FCMR: variants seen among roughly 807,000 people sequenced by gnomAD.
FCMR encodes Fc mu receptor.
A neutral mutation model predicts 41.6 loss-of-function variants in FCMR; 34 were observed. That is an observed-to-expected ratio of 0.82 (90% CI 0.62 to 1.09). The LOEUF (loss-of-function observed/expected upper bound fraction) is 1.09, where lower values mean the gene tolerates loss of function less well. FCMR is among the 50% of genes least tolerant of loss of function. The pLI is 0.00. For missense variants in FCMR, 496 were observed against 512.5 expected, an observed-to-expected ratio of 0.97 and a Z score of 0.31; for synonymous variants, 209 against 211.8, an observed-to-expected ratio of 0.99 and a Z score of 0.12.
intron 1 of FCMR, among the ~76,000 whole-genome samples, chr1:206,916,166 T>C (rs1679182620): frequency 6.6e-6 from 1 of 152,118 alleles, no homozygotes; most frequent in Admixed American, 6.5e-5. Flanking sequence ...CACTGGAAAT[T>C]GAGTCATGAG....
chr1:206,909,762 G>A lies in FCMR; in HGVS notation c.948C>T (p.Ser316=), dbSNP rs1678838817. The change falls in exon 6 of 8, where the codon AGC becomes AGT. Residue 316 remains serine, a synonymous_variant. Transcript: ENST00000367091. This position sits in a 1 kb window ranked among gnomAD's most constrained non-coding sequence, Gnocchi z 5.0. ...CTCCACGAGCGCGCCGCGGGCAGGC[G>A]CTGTAGATGTTGTTTTGGGAGCGCG... is the stretch of plus-strand genomic sequence containing the variant. ...PRPRSQNNIY[S]ACPRRARGAD... 2 of 1,464,214 alleles carry A rather than the reference G, an allele frequency of 1.4e-6. No individual in the cohort carries two copies. The highest frequency in any genetic ancestry group is 9.0e-7 in the Non-Finnish European group (1 of 1,117,276). 90.7% of individuals were successfully genotyped at this position (1,464,214 alleles called of 1,614,324 possible). A position where few individuals can be genotyped will look rare whatever the true frequency, so the allele number is the denominator to read the frequency against.
At position 206,903,737 on chromosome 1, in the gene FCMR, T is replaced by A. The variant is rs1202971303; in HGVS notation, c.*1282A>T. 6.6e-6 allele frequency: 1 copy of A among 152,326 alleles called. No homozygotes were observed. Among genetic ancestry groups the A allele is most frequent in the Non-Finnish European group, 1.5e-5 (1 of 68,062 alleles). 9.4% of individuals were successfully genotyped at this position (152,326 alleles called of 1,614,324 possible). A position where few individuals can be genotyped will look rare whatever the true frequency, so the allele number is the denominator to read the frequency against. On this transcript the variant is annotated 3_prime_UTR_variant, in exon 8 of 8. Coordinates refer to ENST00000367091, the MANE Select transcript of FCMR (RefSeq NM_005449.5). ...TCCCTTGGTGCCCTCCTTTTTTTTT[T>A]ATCCTAGTCATTCTTCCCTAATCTT... is the stretch of plus-strand genomic sequence containing the variant.
chr1:206,913,507 C>T lies in FCMR; in HGVS notation c.373+252G>A. ...TCCTCAATCTCAAGCCTCTACTCCC[C>T]TCATGCCCTGGGTAGGATGAACAAT... On this transcript the variant is annotated intron_variant, in intron 2 of 7. Coordinates refer to ENST00000367091, the MANE Select transcript of FCMR (RefSeq NM_005449.5). 5.4e-6 allele frequency: 3 copies of T among 552,818 alleles called. No homozygotes were observed. The South Asian group carries it at 7.5e-5, about 14-fold the overall frequency. The allele number at this position is 552,818 out of a possible 1,614,324, so 34.2% of individuals were successfully genotyped here.
chr1:206,911,897 G>T lies in FCMR; in HGVS notation c.543C>A (p.Thr181=). 7 of 1,605,422 alleles carry T rather than the reference G, an allele frequency of 4.4e-6. No individual in the cohort carries two copies. The highest frequency in any genetic ancestry group is 5.9e-6 in the Non-Finnish European group (7 of 1,177,402). Residue 181 remains threonine (T), a synonymous_variant, in exon 4 of 8, where the codon ACC becomes ACA. Transcript: ENST00000367091. ...CTCGAGGGCGGTGGGTGATTTGGGT[G>T]GTGGGGGAGGAGTGGTGAACTGGAG... is the stretch of plus-strand genomic sequence containing the variant. ...KVPPVHHSSP[T]TQITHRPRVS...
rs368503889 is a variant in FCMR at position 206,911,738 on chromosome 1, G to A, written c.702C>T (p.His234=). 3.8e-5 allele frequency: 61 copies of A among 1,610,882 alleles called. No individual in the cohort carries two copies. The highest frequency in any genetic ancestry group is 4.8e-5 in the Non-Finnish European group (57 of 1,179,302). ...GGACAGTGGTCTCTTACCTCTGCCT[G>A]TGCAGCCTGGTGTGGTGGTTGTAGC... is the stretch of plus-strand genomic sequence containing the variant. The part of the protein sequence containing the change: ...TPSYNHHTRL[H]RQRALDYGSQ... The change falls in exon 4 of 8, where the codon CAC becomes CAT. Residue 234 remains histidine, a synonymous_variant. Transcript: ENST00000367091.
At chr1:206,918,915 TA>T (rs898408191) in intron 1 of FCMR, among the ~76,000 whole-genome samples, 1 of 152,046 alleles carries the variant, frequency 6.6e-6, no homozygotes, top group Non-Finnish European at 1.5e-5. Flanking sequence ...GAGTACAAAT[TA>T]AAGCCCAAAT....
Position 206,909,778 on chromosome 1 carries a change from T to C in FCMR, c.932A>G (p.Gln311Arg), listed in dbSNP as rs773235214. The C allele has an allele frequency of 1.4e-6, 2 of 1,459,716 alleles. No homozygotes were observed. Among genetic ancestry groups the C allele is most frequent in the Admixed American group, 5.6e-5 (2 of 36,006 alleles). 90.4% of individuals were successfully genotyped at this position (1,459,716 alleles called of 1,614,324 possible). A position where few individuals can be genotyped will look rare whatever the true frequency, so the allele number is the denominator to read the frequency against. ...RPRGSPRPRS[Q>R]NNIYSACPRR... ...CGGGCAGGCGCTGTAGATGTTGTTT[T>C]GGGAGCGCGGTCGCGGCGACCCGCG... The change falls in exon 6 of 8, where the codon CAA (glutamine) becomes CGA (arginine). Residue 311 changes from glutamine to arginine, a missense_variant. Coordinates refer to ENST00000367091, the MANE Select transcript of FCMR (RefSeq NM_005449.5). This position sits in a 1 kb window ranked among gnomAD's most constrained non-coding sequence, Gnocchi z 5.0.
intron 1 of FCMR, among the ~76,000 whole-genome samples, chr1:206,918,382 A>G (rs1455713766): frequency 1.3e-5 from 2 of 152,008 alleles, no homozygotes; most frequent in African/African-American, 4.8e-5. Context: ...TCACTCGCTC[A>G]TTGACTCCCA....
rs1242989473 is a variant in FCMR at position 206,913,727 on chromosome 1, A to C, written c.373+32T>G. On this transcript the variant is annotated intron_variant, in intron 2 of 7. Coordinates refer to ENST00000367091, the MANE Select transcript of FCMR (RefSeq NM_005449.5). Reference sequence around the variant, plus strand: ...TTCCCAAGTGAAACATTTTCTGGGTAGTCTGAGCCTCCAATCAGCGGAGGA... The same window carrying C: ...TTCCCAAGTGAAACATTTTCTGGGTCGTCTGAGCCTCCAATCAGCGGAGGA... 3 of 1,549,618 alleles carry C rather than the reference A, an allele frequency of 1.9e-6. No homozygotes were observed. The East Asian group carries it at 6.7e-5, about 35-fold the overall frequency.
intron 7 of FCMR, 93 bp from the exon 8 acceptor site, chr1:206,905,240 C>A (rs1170952465): frequency 1.4e-6 from 2 of 1,430,530 alleles, no homozygotes; most frequent in Non-Finnish European, 1.9e-6. Context: ...GGGGCATGGA[C>A]ATGGCTGCTG....
At chr1:206,912,701 G>A (rs1448161424) in intron 3 of FCMR, among the ~76,000 whole-genome samples, 3 of 152,230 alleles carry the variant, frequency 2.0e-5, no homozygotes, top group African/African-American at 7.2e-5. Flanking sequence ...GTGGTAATAT[G>A]TAAGTTCTGC....
chr1:206,913,087 C>A, intron 2 of FCMR, 45 bp from the exon 3 acceptor site: 1 of 1,460,336 alleles, frequency 6.8e-7, no homozygotes, highest in Non-Finnish European at 9.6e-7. Context: ...TAGGGGGAGA[C>A]TGAGGCTTGG....
chr1:206,909,826 G>T lies in FCMR; in HGVS notation c.884C>A (p.Ala295Asp). ...RARRLAVRMR[A>D]LESSQRPRGS... ...GCGGGGCCTCTGGGAGCTCTCCAGG[G>T]CGCGCATCCTCACGGCCAGTCGGCG... Residue 295 changes from alanine to aspartate, a missense_variant, in exon 6 of 8, where the codon GCC becomes GAC. Transcript: ENST00000367091. The surrounding 1 kb of genome is among the most constrained non-coding windows in gnomAD (Gnocchi z 5.0). 2 of 1,406,122 alleles carry T rather than the reference G, an allele frequency of 1.4e-6. No homozygotes were observed. The allele number at this position is 1,406,122 out of a possible 1,614,324, so 87.1% of individuals were successfully genotyped here. A position where few individuals can be genotyped will look rare whatever the true frequency, so the allele number is the denominator to read the frequency against.
chr1:206,908,137 C>A, intron 7 of FCMR: 1 of 1,323,374 alleles, frequency 7.6e-7, no homozygotes, highest in Non-Finnish European at 1.1e-6. Context: ...GAAGAAACAG[C>A]TCATGAGGCT....
Position 206,910,227 on chromosome 1 carries a change from G to A in FCMR, c.824C>T (p.Ala275Val). 6.2e-7 allele frequency: 1 copy of A among 1,601,606 alleles called. No homozygotes were observed. The highest frequency in any genetic ancestry group is 2.3e-5 in the East Asian group (1 of 44,316). Residue 275 changes from alanine to valine, a missense_variant, in exon 5 of 8, where the codon GCC becomes GTC. Physicochemically the swap from Ala to Val is moderately conservative, Grantham distance 64 (BLOSUM62 0). Coordinates refer to ENST00000367091, the MANE Select transcript of FCMR (RefSeq NM_005449.5). ...LALLGLVVKR[A>V]VERRKALSRR... ...CCGCTCACCTTTCCTCCTTTCAACGGCCCTTTTCACCACCAGCCCCAGAAG... is the reference window on the plus strand; with the variant it reads ...CCGCTCACCTTTCCTCCTTTCAACGACCCTTTTCACCACCAGCCCCAGAAG...
intron 7 of FCMR, chr1:206,907,991 A>C (rs1272578971): frequency 6.9e-7 from 1 of 1,449,088 alleles, no homozygotes; most frequent in African/African-American, 1.4e-5. Flanking sequence ...GCTGCCCTCA[A>C]GGTCGTGCGT....
rs75522788 is a variant in FCMR, at chr1:206,906,655, A to G, written c.1045-1508T>C. 6.9e-3 allele frequency among the ~76,000 whole-genome samples: 1,044 copies of G among 152,266 alleles called. 55 individuals are homozygous for G. The East Asian group carries it at 0.12, about 18-fold the overall frequency. On this transcript the variant is annotated intron_variant, in intron 7 of 7. Coordinates refer to ENST00000367091, the MANE Select transcript of FCMR (RefSeq NM_005449.5). ...TAATAATGAGTCATTAAGCATAGGCACCTTTTTGTAAATTTGTTCCATCAA... is the reference window on the plus strand; with the variant it reads ...TAATAATGAGTCATTAAGCATAGGCGCCTTTTTGTAAATTTGTTCCATCAA...
intron 7 of FCMR, chr1:206,906,010 G>C (rs1046163126): frequency 1.0e-5 from 2 of 191,816 alleles, no homozygotes; most frequent in African/African-American, 4.8e-5. Context: ...TGAGAGCAAA[G>C]AAAACTAAGC....
intron 1 of FCMR, among the ~76,000 whole-genome samples, chr1:206,916,878 G>A (rs1679217523): frequency 6.6e-6 from 1 of 152,210 alleles, no homozygotes; most frequent in Non-Finnish European, 1.5e-5. Flanking sequence ...TTTTAAACAG[G>A]TGTCCCAGGT....
Sources: gnomAD v4.1 joint callset for allele counts (sites outside exome capture counted in the v4.1 genomes callset) on GRCh38, gnomAD v4.1.1 for gene constraint, Gnocchi (gnomAD v3.1) non-coding constraint, MANE v1.5 for transcripts, NCBI Gene and HGNC (gene_info 2026-07-23, HGNC 2026-07-21) for gene names.